The following HERC6 variants were observed in gnomAD, a reference collection of about 807,000 sequenced individuals.
The protein encoded by HERC6 is HECT and RLD domain containing E3 ubiquitin protein ligase family member 6, also known as probable E3 ubiquitin-protein ligase HERC6.
Under a neutral mutation model 114.5 loss-of-function variants are expected in HERC6, and 101 were observed. The ratio of observed to expected loss-of-function variants is 0.88; its 90% CI spans 0.75 to 1.04. The LOEUF (loss-of-function observed/expected upper bound fraction) is 1.04. Among genes scored for constraint, HERC6 ranks in the 50% least tolerant of loss-of-function variants. The pLI is 0.00. For synonymous variants in HERC6, 408 were observed against 436.2 expected, an observed-to-expected ratio of 0.94 and a Z score of 0.81; for missense variants, 1,133 against 1,230.9, an observed-to-expected ratio of 0.92 and a Z score of 1.19.
At chr4:88,428,556 C>T (rs1184783399) in intron 15 of HERC6, 24 bp from the exon 16 acceptor site, 1 of 1,548,790 alleles carries the variant, frequency 6.5e-7, no homozygotes, top group Non-Finnish European at 8.7e-7. Flanking sequence ...AAGGAGAAGC[C>T]AACTAAAAAA....
chr4:88,379,555 G>A (rs1734050770), intron 1 of HERC6, among the ~76,000 whole-genome samples: 1 of 148,792 alleles, frequency 6.7e-6, no homozygotes, highest in Non-Finnish European at 1.5e-5. Context: ...AAGGCAGCCT[G>A]ACCTTACAAA....
At chr4:88,437,859 T>G in intron 20 of HERC6, 78 bp downstream of exon 20, 1 of 1,050,132 alleles carries the variant, frequency 9.5e-7, no homozygotes, top group Non-Finnish European at 1.4e-6. Flanking sequence ...TTAAAATGTA[T>G]TTTTAAATAT....
chr4:88,430,943 C>T (rs1288404529), intron 16 of HERC6, among the ~76,000 whole-genome samples: 1 of 152,294 alleles, frequency 6.6e-6, no homozygotes. Flanking sequence ...GTCCATGTAG[C>T]AGTGTAAAGG....
chr4:88,442,248 C>CGT lies in HERC6; in HGVS notation c.2859_2860dup (p.Asp954ValfsTer14). 2 of 1,610,778 alleles carry CGT rather than the reference C, an allele frequency of 1.2e-6. No individual in the cohort carries two copies. Among genetic ancestry groups the CGT allele is most frequent in the Non-Finnish European group, 1.7e-6 (2 of 1,178,204 alleles). On this transcript the variant is annotated frameshift_variant, in exon 23 of 23. Coordinates refer to ENST00000264346, the MANE Select transcript of HERC6 (RefSeq NM_017912.4). LOFTEE classifies it low-confidence loss of function (END_TRUNC). Reference sequence around the variant, plus strand: ...TTCCTTTCTAGTTTTCCTTACAGGACGTGATAGGCTGCATGCAAGAGGCAT... The same window carrying CGT: ...TTCCTTTCTAGTTTTCCTTACAGGACGTGTGATAGGCTGCATGCAAGAGGCAT...
At chr4:88,383,406 T>G in intron 2 of HERC6, 26 bp downstream of exon 2, 1 of 1,459,506 alleles carries the variant, frequency 6.9e-7, no homozygotes, top group Middle Eastern at 1.8e-4. Context: ...CACTCCTTCA[T>G]TTATTCAATA....
chr4:88,416,574 T>G (rs981860330), intron 12 of HERC6, among the ~76,000 whole-genome samples: 10 of 152,076 alleles, frequency 6.6e-5, no homozygotes, highest in Non-Finnish European at 1.2e-4. Context: ...AATTTATAAC[T>G]AAAATAATTC....
At chr4:88,381,554 C>A (rs200165473) in intron 1 of HERC6, among the ~76,000 whole-genome samples, 1 of 95,828 alleles carries the variant, frequency 1.0e-5, no homozygotes. Flanking sequence ...CCCTTCTCTT[C>A]TTTTTTTTTT....
intron 20 of HERC6, among the ~76,000 whole-genome samples, chr4:88,439,302 A>T (rs1459843937): frequency 6.6e-6 from 1 of 151,856 alleles, no homozygotes; most frequent in East Asian, 1.9e-4. Context: ...TGAGGCCAGG[A>T]GTCCAAGTCC....
At chr4:88,395,892 A>G (rs1735202913) in intron 5 of HERC6, 123 bp from the exon 6 acceptor site, 2 of 762,162 alleles carry the variant, frequency 2.6e-6, no homozygotes, top group South Asian at 2.8e-5. Flanking sequence ...GATCTCTCCT[A>G]TTTATGTAGA....
intron 7 of HERC6, 107 bp from the exon 8 acceptor site, chr4:88,398,035 A>G (rs879035921): frequency 3.2e-6 from 2 of 628,672 alleles, no homozygotes; most frequent in South Asian, 4.5e-5. Flanking sequence ...AAATCCATTT[A>G]GGAGAATATA....
At chr4:88,431,413 C>A in intron 17 of HERC6, 108 bp downstream of exon 17, 2 of 1,265,332 alleles carry the variant, frequency 1.6e-6, no homozygotes, top group Non-Finnish European at 2.2e-6. Context: ...TAGAGCTTTG[C>A]TACTCATATT....
chr4:88,405,608 GA>G lies in HERC6; in HGVS notation c.1273del (p.Arg425GlufsTer13). 6.7e-7 allele frequency: 1 copy of G among 1,503,426 alleles called. No homozygotes were observed. Among genetic ancestry groups the G allele is most frequent in the Non-Finnish European group, 9.1e-7 (1 of 1,098,772 alleles). The allele number at this position is 1,503,426 out of a possible 1,614,324, so 93.1% of individuals were successfully genotyped here. On this transcript the variant is annotated frameshift_variant, in exon 10 of 23. Coordinates refer to ENST00000264346, the MANE Select transcript of HERC6 (RefSeq NM_017912.4). LOFTEE classifies it high-confidence loss of function. ...PACLTASFLKKRGTGETTSID... is the reference protein window; with the variant it reads ...PACLTASFLKXRGTGETTSID... ...CTTGTCTGACTGCAAGTTTTTTAAA[GA>G]AAAGGTAATACTTACATAAGATTTA...
intron 10 of HERC6, among the ~76,000 whole-genome samples, chr4:88,406,177 A>C (rs1335480242): frequency 6.6e-6 from 1 of 152,268 alleles, no homozygotes; most frequent in African/African-American, 2.4e-5. Flanking sequence ...GAGAAGGAGA[A>C]ATAGCAGTGT....
chr4:88,408,334 A>G (rs1735908437), intron 10 of HERC6, among the ~76,000 whole-genome samples, 190 bp from the exon 11 acceptor site: 1 of 152,244 alleles, frequency 6.6e-6, no homozygotes, highest in Non-Finnish European at 1.5e-5. Flanking sequence ...ATTGTTATCT[A>G]CTGTCTTTTA....
At position 88,428,656 on chromosome 4, in the gene HERC6, G is replaced by C. The variant is rs775407445; in HGVS notation, c.2012G>C (p.Arg671Thr). The change falls in exon 16 of 23, where the codon AGA becomes ACA. Residue 671 changes from arginine (R) to threonine (T), a missense_variant. Transcript: ENST00000264346. The stretch of plus-strand genomic sequence containing the variant: ...AAGGATGAATTTCCTCCATCACCCA[G>C]ATTTATACTTAGAGTCAGACGAAGT... ...QKKDEFPPSP[R>T]FILRVRRSRL... The C allele has an allele frequency of 6.2e-7, 1 of 1,607,900 alleles. No individual in the cohort carries two copies. Among genetic ancestry groups the C allele is most frequent in the East Asian group, 2.2e-5 (1 of 44,758 alleles).
chr4:88,398,385 C>T (rs1213126661), intron 8 of HERC6, 176 bp downstream of exon 8: 1 of 426,426 alleles, frequency 2.3e-6, no homozygotes, highest in Non-Finnish European at 4.1e-6. Flanking sequence ...TATTTGTCAA[C>T]TTTCCTAACA....
intron 13 of HERC6, among the ~76,000 whole-genome samples, chr4:88,421,590 G>A (rs930548272): frequency 1.6e-4 from 25 of 151,984 alleles, no homozygotes; most frequent in Admixed American, 7.9e-4. Flanking sequence ...TGGCATTACA[G>A]GTGTACACCC....
Position 88,418,716 on chromosome 4 carries a change from GATT to G in HERC6, c.1713+1138_1713+1140del, listed in dbSNP as rs1308533025. Among the ~76,000 whole-genome samples the G allele has an allele frequency of 3.9e-5, 6 of 152,222 alleles. No individual in the cohort carries two copies. In the South Asian group the frequency reaches 1.0e-3, roughly 26 times the overall value. On this transcript the variant is annotated intron_variant, in intron 13 of 22. Transcript: ENST00000264346. The stretch of plus-strand genomic sequence containing the variant: ...GAGACCCATCACACTACACATGTGT[GATT>G]TTTTTGTTTGTTTGTTTGTTTGCTT...
chr4:88,435,743 A>C lies in HERC6; in HGVS notation c.2269A>C (p.Arg757=). The C allele has an allele frequency of 6.4e-7, 1 of 1,558,258 alleles. No homozygotes were observed. Among genetic ancestry groups the C allele is most frequent in the Non-Finnish European group, 8.7e-7 (1 of 1,152,204 alleles). ...FPAKPKPEKK[R]YFLFGMLCGL... Reference sequence around the variant, plus strand: ...TTTCTAGCCTAAACCTGAGAAGAAAAGATATTTCCTCTTTGGAATGCTGTG... The same window carrying C: ...TTTCTAGCCTAAACCTGAGAAGAAACGATATTTCCTCTTTGGAATGCTGTG... Residue 757 remains arginine (R), a synonymous_variant, in exon 18 of 23, where the codon AGA becomes CGA. Coordinates refer to ENST00000264346, the MANE Select transcript of HERC6 (RefSeq NM_017912.4).
Sources: allele counts gnomAD v4.1 joint callset (sites outside exome capture counted in the v4.1 genomes callset), GRCh38; gene constraint gnomAD v4.1.1; transcripts MANE v1.5; gene names NCBI Gene and HGNC (gene_info 2026-07-23, HGNC 2026-07-21).